The following PRKCH variants were observed in gnomAD, a reference collection of about 807,000 sequenced individuals.
The protein encoded by PRKCH is protein kinase C eta type.
Under a neutral mutation model 82.5 loss-of-function variants are expected in PRKCH, and 28 were observed. The ratio of observed to expected loss-of-function variants is 0.34; its 90% CI spans 0.25 to 0.47. PRKCH has a LOEUF of 0.47. PRKCH is among the 20% of genes least tolerant of loss of function. The pLI is 1.00. For missense variants in PRKCH, 705 were observed against 881.8 expected, an observed-to-expected ratio of 0.80 and a Z score of 2.54; for synonymous variants, 322 against 327.4, an observed-to-expected ratio of 0.98 and a Z score of 0.18.
At chr14:61,502,423 A>G (rs1055692632) in intron 10 of PRKCH, among the ~76,000 whole-genome samples, 1 of 152,120 alleles carries the variant, frequency 6.6e-6, no homozygotes, top group Non-Finnish European at 1.5e-5. Context: ...TAATTCTGCT[A>G]TCTCTTGTTG....
At chr14:61,352,521 G>A (rs1296227653) in intron 1 of PRKCH, among the ~76,000 whole-genome samples, 1 of 151,926 alleles carries the variant, frequency 6.6e-6, no homozygotes, top group Non-Finnish European at 1.5e-5. Context: ...AAAATTAGCT[G>A]GGCGTGGTGG....
At chr14:61,382,364 A>T (rs1049493032) in intron 1 of PRKCH, among the ~76,000 whole-genome samples, 1 of 152,110 alleles carries the variant, frequency 6.6e-6, no homozygotes, top group African/African-American at 2.4e-5. Context: ...CAGGAGATGG[A>T]GGTTTCAGTG....
At chr14:61,273,940 T>G (rs1025971138) in intron 1 of PRKCH, among the ~76,000 whole-genome samples, 13 of 152,264 alleles carry the variant, frequency 8.5e-5, no homozygotes, top group Non-Finnish European at 1.8e-4. Flanking sequence ...GTTATGGTAC[T>G]TGGCACTGGC....
rs139689711 is a variant in PRKCH at position 61,241,851 on chromosome 14, A to G, written c.-19+54183A>G. Among the ~76,000 whole-genome samples, 421 of 152,310 alleles carry G rather than the reference A, an allele frequency of 2.8e-3. 1 individual carries two copies. Among genetic ancestry groups the G allele is most frequent in the Non-Finnish European group, 4.6e-3 (315 of 68,028 alleles). On this transcript the variant is annotated intron_variant, in intron 1 of 3. Transcript: ENST00000555185. Reference sequence around the variant, plus strand: ...TCTGTGGACTTAGCTCCTTGATAGAAGCGCGTTTTATGAGATGAAGCGTGT... The same window carrying G: ...TCTGTGGACTTAGCTCCTTGATAGAGGCGCGTTTTATGAGATGAAGCGTGT...
chr14:61,489,060 A>G (rs1263451635), intron 10 of PRKCH, among the ~76,000 whole-genome samples: 1 of 152,216 alleles, frequency 6.6e-6, no homozygotes, highest in Non-Finnish European at 1.5e-5. Context: ...CAGAGTCTTA[A>G]GGATAAGACT....
chr14:61,226,895 C>T lies in PRKCH; in HGVS notation c.-19+39227C>T, dbSNP rs116828493. 8.1e-3 allele frequency among the ~76,000 whole-genome samples: 1,236 copies of T among 152,276 alleles called. 18 individuals are homozygous for T. Among genetic ancestry groups the T allele is most frequent in the African/African-American group, 0.028 (1,179 of 41,554 alleles). ...TCCCATTACCACCATCATTCCTTGCCTTCCCTTCCCACTACCAAATCTCTC... is the reference window on the plus strand; with the variant it reads ...TCCCATTACCACCATCATTCCTTGCTTTCCCTTCCCACTACCAAATCTCTC... On this transcript the variant is annotated intron_variant, in intron 1 of 3. Coordinates refer to the PRKCH transcript ENST00000555185.
At chr14:61,343,074 C>G (rs1045067214) in intron 1 of PRKCH, among the ~76,000 whole-genome samples, 5 of 152,166 alleles carry the variant, frequency 3.3e-5, no homozygotes, top group Non-Finnish European at 7.3e-5. Context: ...CTTGCCTTTA[C>G]TTTTATCTGA....
intron 1 of PRKCH, among the ~76,000 whole-genome samples, chr14:61,240,366 T>A (rs763564760): frequency 3.9e-5 from 6 of 152,120 alleles, no homozygotes; most frequent in Non-Finnish European, 7.3e-5. Context: ...TTTAACCAGC[T>A]GTGTCATTCA....
intron 1 of PRKCH, chr14:61,278,975 TCACACACACACACACACACA>T (rs71117806): frequency 3.6e-5 from 5 of 140,238 alleles, no homozygotes; most frequent in African/African-American, 7.7e-5. Context: ...CCCTTTCTAA[TCACACACACACACACACACA>T]CACACACACA....
At chr14:61,188,704 AGTGTGTGTGT>A (rs754540967) in intron 1 of PRKCH, among the ~76,000 whole-genome samples, 2 of 87,858 alleles carry the variant, frequency 2.3e-5, no homozygotes, top group Non-Finnish European at 4.7e-5. Context: ...ACGTTGCTGT[AGTGTGTGTGT>A]GTGTGTGTGT....
At chr14:61,548,912 G>T (rs991028485) in intron 13 of PRKCH, among the ~76,000 whole-genome samples, 7 of 150,078 alleles carry the variant, frequency 4.7e-5, no homozygotes, top group African/African-American at 1.7e-4. Flanking sequence ...TAAGGTAAGA[G>T]CAGTGAGATG....
intron 2 of PRKCH, among the ~76,000 whole-genome samples, chr14:61,401,916 G>A (rs1481014292): frequency 6.6e-6 from 1 of 152,176 alleles, no homozygotes; most frequent in Non-Finnish European, 1.5e-5. Flanking sequence ...TGTGGAACTG[G>A]CAGATTTTTC....
intron 1 of PRKCH, among the ~76,000 whole-genome samples, chr14:61,254,009 CCCTTCCTTCCTT>C (rs923432843): frequency 3.8e-5 from 4 of 105,016 alleles, no homozygotes; most frequent in Admixed American, 9.9e-5. Context: ...CTCCCTCCCT[CCCTTCCTTCCTT>C]CCTTCCTTTC....
At chr14:61,241,256 T>C (rs2044834517) in intron 1 of PRKCH, among the ~76,000 whole-genome samples, 1 of 152,232 alleles carries the variant, frequency 6.6e-6, no homozygotes, top group Admixed American at 6.5e-5. Context: ...CCATGTCCTC[T>C]CTGGGTGCAC....
intron 1 of PRKCH, among the ~76,000 whole-genome samples, chr14:61,204,564 G>A (rs2044507346): frequency 6.6e-6 from 1 of 152,024 alleles, no homozygotes; most frequent in Non-Finnish European, 1.5e-5. Context: ...AGACCAGTCT[G>A]GGCAATATAG....
chr14:61,334,636 G>A (rs1030931233), intron 1 of PRKCH, among the ~76,000 whole-genome samples: 1 of 152,180 alleles, frequency 6.6e-6, no homozygotes, highest in Non-Finnish European at 1.5e-5. Flanking sequence ...AAGAGAGTCG[G>A]CTTGGTGTCA....
rs1555396321 is a variant in PRKCH at position 61,529,913 on chromosome 14, A to AAAT, written c.1573-493_1573-492insATA. On this transcript the variant is annotated intron_variant, in intron 11 of 13. Transcript: ENST00000332981. ...TAAAACTTAAAGTATAATAAAAAAA[A>AAAT]ATATATATATATATGTAAACTTTGC... Among the ~76,000 whole-genome samples, 154 of 125,696 alleles carry AAAT rather than the reference A, an allele frequency of 1.2e-3. 1 individual carries two copies. The highest frequency in any genetic ancestry group is 3.8e-3 in the African/African-American group (147 of 38,896). The allele number at this position is 125,696 out of a possible 152,430, so 82.5% of individuals were successfully genotyped here. A position where few individuals can be genotyped will look rare whatever the true frequency, so the allele number is the denominator to read the frequency against.
intron 1 of PRKCH, among the ~76,000 whole-genome samples, chr14:61,338,706 C>A (rs1488938880): frequency 6.6e-6 from 1 of 152,076 alleles, no homozygotes; most frequent in Non-Finnish European, 1.5e-5. Flanking sequence ...TTTAAGTTGC[C>A]ATTTAAACTC....
intron 1 of PRKCH, among the ~76,000 whole-genome samples, chr14:61,336,264 T>C (rs1728188589): frequency 6.6e-6 from 1 of 152,148 alleles, no homozygotes; most frequent in East Asian, 1.9e-4. Flanking sequence ...TCCTCACTGG[T>C]TTTGCTTTTA....
Sources: allele counts gnomAD v4.1 joint callset (sites outside exome capture counted in the v4.1 genomes callset), GRCh38; gene constraint gnomAD v4.1.1; transcripts MANE v1.5; gene names NCBI Gene and HGNC (gene_info 2026-07-23, HGNC 2026-07-21).